Variants in PROM1 observed in about 807,000 individuals in gnomAD.
PROM1 encodes the protein prominin 1.
A neutral mutation model predicts 116.9 loss-of-function variants in PROM1; 105 were observed. That is an observed-to-expected ratio of 0.90 (90% CI 0.77 to 1.06). The LOEUF (loss-of-function observed/expected upper bound fraction) is 1.06. Ranked by LOEUF, PROM1 falls within the 50% of genes least tolerant of loss-of-function variation. The probability of loss-of-function intolerance (pLI) is 0.00; values close to 1 mark genes in which losing one functional copy is unlikely to be tolerated. For missense variants in PROM1, 1,122 were observed against 1,045.2 expected (o/e 1.07, Z -1.01); for synonymous variants, 393 against 387.0 (o/e 1.02, Z -0.18).
At chr4:16,026,680 T>C (rs188731542) in intron 5 of PROM1, among the ~76,000 whole-genome samples, 9 of 152,320 alleles carry the variant, frequency 5.9e-5, no homozygotes, top group African/African-American at 2.2e-4. Flanking sequence ...ACCCCACTTA[T>C]AGTATAAATA....
chr4:15,972,269 C>T (rs80346617), intron 26 of PROM1, among the ~76,000 whole-genome samples: 4,832 of 152,226 alleles, frequency 0.032, 213 homozygotes, highest in African/African-American at 0.094. Context: ...TTTTCTGCTG[C>T]TATAACAGAA....
chr4:16,026,145 T>G (rs1485454238), intron 5 of PROM1, among the ~76,000 whole-genome samples: 1 of 152,244 alleles, frequency 6.6e-6, no homozygotes, highest in Non-Finnish European at 1.5e-5. Flanking sequence ...GAAAGGCATC[T>G]TACAGGAAAG....
rs1385632965 is a variant in PROM1, at chr4:15,979,990, A to G, written c.2490-86T>C. On this transcript the variant is annotated intron_variant, in intron 24 of 27. Coordinates refer to ENST00000447510, the MANE Select transcript of PROM1 (RefSeq NM_006017.3). ...ACTACATCCCCCAAATATTTACTCT[A>G]ACACGGATACTGACAGTGCAAACTC... 5.8e-5 allele frequency: 48 copies of G among 825,742 alleles called. No homozygotes were observed. In the East Asian group the frequency reaches 1.3e-3, roughly 23 times the overall value. The allele number at this position is 825,742 out of a possible 1,614,324, so 51.2% of individuals were successfully genotyped here.
chr4:15,984,164 C>T lies in PROM1; in HGVS notation c.2373+99G>A, dbSNP rs1718681282. Reference sequence around the variant, plus strand: ...TATTACATTTTAGGTTTTGGATTCTCTCAAGCAGAAAACAAATATTATAAT... The same window carrying T: ...TATTACATTTTAGGTTTTGGATTCTTTCAAGCAGAAAACAAATATTATAAT... On this transcript the variant is annotated intron_variant, in intron 23 of 27. Transcript: ENST00000447510. 8.8e-6 allele frequency: 9 copies of T among 1,027,598 alleles called. No individual in the cohort carries two copies. The South Asian group carries it at 1.4e-4, about 16-fold the overall frequency. 63.7% of individuals were successfully genotyped at this position (1,027,598 alleles called of 1,614,324 possible). A position where few individuals can be genotyped will look rare whatever the true frequency, so the allele number is the denominator to read the frequency against.
chr4:16,060,789 C>A (rs1478453866), intron 2 of PROM1, among the ~76,000 whole-genome samples: 1 of 152,136 alleles, frequency 6.6e-6, no homozygotes, highest in Non-Finnish European at 1.5e-5. Flanking sequence ...TTTTTCCCAA[C>A]ATATATATAC....
intron 12 of PROM1, among the ~76,000 whole-genome samples, chr4:16,008,111 C>T (rs939439464): frequency 6.6e-6 from 1 of 152,134 alleles, no homozygotes; most frequent in Non-Finnish European, 1.5e-5. Context: ...GTAGCAACTG[C>T]TATAATTTTA....
At chr4:16,029,388 T>C (rs979425900) in intron 5 of PROM1, among the ~76,000 whole-genome samples, 9 of 151,498 alleles carry the variant, frequency 5.9e-5, no homozygotes, top group Non-Finnish European at 7.4e-5. Context: ...ATAACCTTTA[T>C]GAGAAATGCA....
chr4:16,003,400 T>C (rs1189087456), intron 13 of PROM1: 3 of 456,670 alleles, frequency 6.6e-6, no homozygotes, highest in African/African-American at 4.0e-5. Flanking sequence ...ATGGTCTTTT[T>C]ACAGCCCTTG....
Position 16,025,207 on chromosome 4 carries a change from C to T in PROM1, c.615G>A (p.Leu205=). Reference sequence around the variant, plus strand: ...TGGTTTTTACCTCTGGAGTTTCATTCAAGAGAGTTCGCAAGTCCTTGAAAT... The same window carrying T: ...TGGTTTTTACCTCTGGAGTTTCATTTAAGAGAGTTCGCAAGTCCTTGAAAT... ...DSNFKDLRTL[L]NETPEQIKYI... is the part of the protein sequence containing the mutation. The change falls in exon 6 of 28, where the codon TTG becomes TTA. Residue 205 remains leucine (L), a synonymous_variant. Coordinates refer to ENST00000447510, the MANE Select transcript of PROM1 (RefSeq NM_006017.3). 2 of 1,613,856 alleles carry T rather than the reference C, an allele frequency of 1.2e-6. No homozygotes were observed. The highest frequency in any genetic ancestry group is 1.7e-6 in the Non-Finnish European group (2 of 1,179,784).
chr4:16,030,857 C>A (rs1002939424), intron 5 of PROM1, among the ~76,000 whole-genome samples: 20 of 152,078 alleles, frequency 1.3e-4, no homozygotes, highest in African/African-American at 4.8e-4. Context: ...ACCAGCCTGG[C>A]CAACATGGTG....
intron 5 of PROM1, 24 bp from the exon 6 acceptor site, chr4:16,025,336 A>C: frequency 1.2e-6 from 2 of 1,612,826 alleles, no homozygotes; most frequent in Non-Finnish European, 1.7e-6. Flanking sequence ...CAGAGAGAAG[A>C]AAGAGCATTT....
chr4:15,980,612 T>TAA, intron 23 of PROM1, 75 bp from the exon 24 acceptor site: 1 of 162,010 alleles, frequency 6.2e-6, no homozygotes, highest in Non-Finnish European at 1.0e-5. Flanking sequence ...GGGGATTTTT[T>TAA]TTTTTTTTTT....
At chr4:16,009,728 T>C (rs1217553437) in intron 11 of PROM1, among the ~76,000 whole-genome samples, 1 of 151,690 alleles carries the variant, frequency 6.6e-6, no homozygotes, top group South Asian at 2.1e-4. Flanking sequence ...TCACCTGAGG[T>C]CAGAAGTTCG....
intron 5 of PROM1, among the ~76,000 whole-genome samples, 187 bp from the exon 6 acceptor site, chr4:16,025,499 G>A (rs1731033960): frequency 6.6e-6 from 1 of 152,120 alleles, no homozygotes; most frequent in South Asian, 2.1e-4. Flanking sequence ...CCCACGTAGG[G>A]GCTACAAAAC....
At chr4:15,972,804 C>G (rs184085065) in intron 26 of PROM1, among the ~76,000 whole-genome samples, 1 of 152,286 alleles carries the variant, frequency 6.6e-6, no homozygotes, top group East Asian at 1.9e-4. Context: ...TCTCCTGTCT[C>G]CAGAGTAGAC....
intron 2 of PROM1, among the ~76,000 whole-genome samples, chr4:16,064,765 C>T (rs983429238): frequency 3.3e-5 from 5 of 151,912 alleles, no homozygotes; most frequent in South Asian, 4.2e-4. Flanking sequence ...TGGTGGCGGG[C>T]GCCTGTAATC....
chr4:15,970,571 T>A (rs944726851), intron 27 of PROM1, among the ~76,000 whole-genome samples: 5 of 152,058 alleles, frequency 3.3e-5, no homozygotes, highest in Non-Finnish European at 7.4e-5. Context: ...TATATATATA[T>A]AAATACACAC....
intron 2 of PROM1, among the ~76,000 whole-genome samples, chr4:16,071,154 C>T (rs1202860304): frequency 6.6e-6 from 1 of 152,160 alleles, no homozygotes; most frequent in Non-Finnish European, 1.5e-5. Flanking sequence ...ACTACAAAAG[C>T]CTCCACCTCC....
rs1394320591 is a variant in PROM1, at chr4:15,992,217, A to G, written c.1911+31T>C. On this transcript the variant is annotated intron_variant, in intron 17 of 27. Coordinates refer to ENST00000447510, the MANE Select transcript of PROM1 (RefSeq NM_006017.3). ...CACATCTGACACTTTAATTTCTCCT[A>G]AAGGATCAAGCATGAACACATGCGC... 4 of 1,603,420 alleles carry G rather than the reference A, an allele frequency of 2.5e-6. No individual in the cohort carries two copies. The South Asian group carries it at 3.4e-5, about 14-fold the overall frequency.
Sources: allele counts gnomAD v4.1 joint callset (sites outside exome capture counted in the v4.1 genomes callset), GRCh38; gene constraint gnomAD v4.1.1; transcripts MANE v1.5; gene names NCBI Gene and HGNC (gene_info 2026-07-23, HGNC 2026-07-21).